Variants in BCAS2 observed in about 807,000 individuals in gnomAD.
BCAS2 encodes pre-mRNA-splicing factor SPF27.
A neutral mutation model predicts 35.3 loss-of-function variants in BCAS2; 34 were observed. The observed-to-expected ratio is 0.96, with a 90% CI of 0.73 to 1.28. BCAS2 has a LOEUF of 1.28. BCAS2 is among the 50% of genes most tolerant of loss of function. The pLI, the probability that BCAS2 is intolerant of heterozygous loss-of-function variation, is 0.00. For missense variants in BCAS2, 221 were observed against 268.1 expected (o/e 0.82, Z 1.23); for synonymous variants, 75 against 91.6 (o/e 0.82, Z 1.03).
At chr1:114,568,675 A>C (rs555904925) in intron 6 of BCAS2, among the ~76,000 whole-genome samples, 1 of 149,332 alleles carries the variant, frequency 6.7e-6, no homozygotes, top group African/African-American at 2.5e-5. Context: ...CCTAACCTTC[A>C]CTTTCAACTT....
At position 114,576,304 on chromosome 1, in the gene BCAS2, G is replaced by A. The variant is rs193179818; in HGVS notation, c.257+384C>T. On this transcript the variant is annotated intron_variant, in intron 3 of 6. Transcript: ENST00000369541. ...GACTGGGTCTCCCTCTGTCCCCAAC[G>A]CTGGAGTGCAGTGGCACAATCTCGG... Among the ~76,000 whole-genome samples the A allele has an allele frequency of 1.1e-3, 155 of 147,114 alleles. 1 individual carries two copies. The highest frequency in any genetic ancestry group is 3.6e-3 in the African/African-American group (145 of 39,748).
intron 4 of BCAS2, among the ~76,000 whole-genome samples, chr1:114,571,736 C>A (rs945040681): frequency 4.6e-5 from 7 of 152,160 alleles, no homozygotes; most frequent in Non-Finnish European, 1.5e-5. Context: ...TATTTCTCAA[C>A]CCCCTTTTAT....
At chr1:114,568,503 T>C (rs1302743636) in intron 6 of BCAS2, among the ~76,000 whole-genome samples, 1 of 151,866 alleles carries the variant, frequency 6.6e-6, no homozygotes, top group African/African-American at 2.4e-5. Flanking sequence ...AGTAGCTGGA[T>C]TACAGGCACA....
intron 2 of BCAS2, among the ~76,000 whole-genome samples, chr1:114,578,335 C>CAA (rs74817162): frequency 1.4e-5 from 2 of 143,756 alleles, no homozygotes; most frequent in African/African-American, 5.1e-5. Context: ...TAGTTTCCTG[C>CAA]AAAAAAAAAA....
chr1:114,576,196 A>C (rs971636680), intron 3 of BCAS2, among the ~76,000 whole-genome samples: 1 of 150,528 alleles, frequency 6.6e-6, no homozygotes, highest in African/African-American at 2.4e-5. Context: ...CTCTCTTCAT[A>C]CTACCCAGTC....
At chr1:114,577,377 A>T (rs59884246) in intron 2 of BCAS2, among the ~76,000 whole-genome samples, 30,790 of 149,610 alleles carry the variant, frequency 0.21, 3,416 homozygotes, top group Non-Finnish European at 0.24. Flanking sequence ...TTATTTATTT[A>T]TTTTTTTTTT....
chr1:114,573,714 A>G (rs1654698222), intron 4 of BCAS2, among the ~76,000 whole-genome samples: 1 of 152,108 alleles, frequency 6.6e-6, no homozygotes. Flanking sequence ...TGTCGCTTAC[A>G]TTTCTTAATC....
intron 2 of BCAS2, among the ~76,000 whole-genome samples, chr1:114,577,867 A>T (rs994347308): frequency 6.6e-6 from 1 of 152,226 alleles, no homozygotes; most frequent in African/African-American, 2.4e-5. Flanking sequence ...ATAAGTATCA[A>T]AGGCCTTACA....
chr1:114,572,766 G>A (rs1654672941), intron 4 of BCAS2, among the ~76,000 whole-genome samples: 1 of 152,076 alleles, frequency 6.6e-6, no homozygotes, highest in South Asian at 2.1e-4. Flanking sequence ...GACTAGTTTG[G>A]GTTGAGTTAA....
intron 4 of BCAS2, among the ~76,000 whole-genome samples, chr1:114,574,229 A>T (rs1364560298): frequency 6.6e-6 from 1 of 152,226 alleles, no homozygotes; most frequent in African/African-American, 2.4e-5. Flanking sequence ...TTTTGCAGTC[A>T]TTCATGGACA....
rs199743368 is a variant in BCAS2 at position 114,570,728 on chromosome 1, G to T, written c.442C>A (p.His148Asn). ...AACTTCTGAAGTTCCTTCTGTGCGT[G>T]TTCAATCATATGAACTAGATTTCTG... ...YNENLVHMIE[H>N]AQKELQKLRK... The change falls in exon 5 of 7, where the codon CAC (histidine) becomes AAC (asparagine). Residue 148 changes from histidine to asparagine, a missense_variant. Physicochemically the swap from His to Asn is moderately conservative, Grantham distance 68. Transcript: ENST00000369541. 8.8e-6 allele frequency: 14 copies of T among 1,591,696 alleles called. 1 individual carries two copies.
chr1:114,570,840 A>G (rs1654624673), intron 4 of BCAS2, 90 bp from the exon 5 acceptor site: 1 of 884,082 alleles, frequency 1.1e-6, no homozygotes, highest in South Asian at 1.5e-5. Flanking sequence ...CAAAAATCAT[A>G]TTTATGGAGC....
chr1:114,568,273 G>A lies in BCAS2; in HGVS notation c.552-17C>T, dbSNP rs1466584701. ...GATACCCAACTAGAATGGGGGGGAA[G>A]AAAAGAAAAAAATTACTCAATGTAA... On this transcript the variant is annotated splice_polypyrimidine_tract_variant and intron_variant, in intron 6 of 6. Coordinates refer to ENST00000369541, the MANE Select transcript of BCAS2 (RefSeq NM_005872.3). The A allele has an allele frequency of 6.3e-7, 1 of 1,596,164 alleles. No individual in the cohort carries two copies. Among genetic ancestry groups the A allele is most frequent in the Admixed American group, 1.8e-5 (1 of 55,754 alleles).
chr1:114,579,002 G>A (rs554850798), intron 2 of BCAS2, among the ~76,000 whole-genome samples: 1 of 152,322 alleles, frequency 6.6e-6, no homozygotes, highest in East Asian at 1.9e-4. Context: ...GATGCCAGGT[G>A]TGGTGGCTCA....
chr1:114,576,222 C>CCTCTCTCTCTCT (rs71580638), intron 3 of BCAS2, among the ~76,000 whole-genome samples: 1 of 135,052 alleles, frequency 7.4e-6, no homozygotes, highest in Non-Finnish European at 1.6e-5. Flanking sequence ...TTCAACACTG[C>CCTCTCTCTCTCT]CTCTCTCTCT....
At chr1:114,571,209 C>T (rs1654632785) in intron 4 of BCAS2, among the ~76,000 whole-genome samples, 1 of 152,126 alleles carries the variant, frequency 6.6e-6, no homozygotes, top group South Asian at 2.1e-4. Flanking sequence ...CATGTACTGC[C>T]ATGCCTTGCT....
At chr1:114,570,224 A>G (rs1654611046) in intron 5 of BCAS2, 152 bp from the exon 6 acceptor site, 1 of 608,444 alleles carries the variant, frequency 1.6e-6, no homozygotes, top group African/African-American at 1.9e-5. Context: ...TCTTCTAATT[A>G]TTTTTTGATT....
At chr1:114,577,370 T>TTTA (rs1311913382) in intron 2 of BCAS2, among the ~76,000 whole-genome samples, 3 of 142,270 alleles carry the variant, frequency 2.1e-5, no homozygotes, top group Non-Finnish European at 4.8e-5. Flanking sequence ...AATTTATTTA[T>TTTA]TTATTTATTT....
intron 4 of BCAS2, among the ~76,000 whole-genome samples, chr1:114,572,304 A>T (rs566110105): frequency 2.0e-5 from 3 of 152,276 alleles, no homozygotes; most frequent in Admixed American, 1.3e-4. Context: ...TGACTTCGAC[A>T]ATCACTCCAT....
Sources: gnomAD v4.1 joint callset for allele counts (sites outside exome capture counted in the v4.1 genomes callset) on GRCh38, gnomAD v4.1.1 for gene constraint, MANE v1.5 for transcripts, NCBI Gene and HGNC (gene_info 2026-07-23, HGNC 2026-07-21) for gene names.